DSCAML1: variants seen among roughly 807,000 people sequenced by gnomAD.
The protein encoded by DSCAML1 is cell adhesion molecule DSCAML1.
A neutral mutation model predicts 200.5 loss-of-function variants in DSCAML1; 38 were observed. The ratio of observed to expected loss-of-function variants is 0.19; its 90% CI spans 0.15 to 0.25. The LOEUF is 0.25. DSCAML1 is among the 10% of genes least tolerant of loss of function. The probability of loss-of-function intolerance (pLI) is 1.00; values close to 1 mark genes in which losing one functional copy is unlikely to be tolerated. For missense variants in DSCAML1, 2,223 were observed against 2,858.8 expected, an observed-to-expected ratio of 0.78 and a Z score of 5.07; for synonymous variants, 1,215 against 1,165.0, an observed-to-expected ratio of 1.04 and a Z score of -0.87.
intron 3 of DSCAML1, among the ~76,000 whole-genome samples, chr11:117,672,107 A>AAAAAG (rs1271037601): frequency 7.5e-6 from 1 of 133,788 alleles, no homozygotes; most frequent in Non-Finnish European, 1.7e-5. Context: ...GCTCAGAAAA[A>AAAAAG]AAAAAAAAAA....
intron 3 of DSCAML1, among the ~76,000 whole-genome samples, chr11:117,655,885 C>T (rs906794788): frequency 3.3e-5 from 5 of 152,138 alleles, no homozygotes; most frequent in Middle Eastern, 3.2e-3. Flanking sequence ...CAGAAAGCAC[C>T]GCTAGTGCTG....
chr11:117,436,986 G>T lies in DSCAML1; in HGVS notation c.4720+136C>A, dbSNP rs76003841. On this transcript the variant is annotated intron_variant, in intron 26 of 32. Coordinates refer to ENST00000651296, the MANE Select transcript of DSCAML1 (RefSeq NM_020693.4). ...CCCTTTGTCAGCCCCTTCACCTGCAGGCCAGCATTTCCCCCACCTGCATTC... is the reference window on the plus strand; with the variant it reads ...CCCTTTGTCAGCCCCTTCACCTGCATGCCAGCATTTCCCCCACCTGCATTC... 2,559 of 1,269,204 alleles carry T rather than the reference G, an allele frequency of 2.0e-3. 37 individuals are homozygous for T. In the African/African-American group the frequency reaches 0.033, roughly 16 times the overall value. The allele number at this position is 1,269,204 out of a possible 1,614,324, so 78.6% of individuals were successfully genotyped here. A position where few individuals can be genotyped will look rare whatever the true frequency, so the allele number is the denominator to read the frequency against.
chr11:117,650,667 CTGTG>C (rs66966642), intron 3 of DSCAML1, among the ~76,000 whole-genome samples: 1,537 of 143,504 alleles, frequency 0.011, 22 homozygotes, highest in African/African-American at 0.026. Context: ...GTGTGTCTAT[CTGTG>C]TGTGTGTGTG....
At position 117,672,102 on chromosome 11, in the gene DSCAML1, G is replaced by GAA. The variant is rs71037491; in HGVS notation, c.511+104687_511+104688dup. ...GGCGACAGAGCGAGACTCCAGCTCAGAAAAAAAAAAAAAAAAAAAAAGAAG... is the reference window on the plus strand; with the variant it reads ...GGCGACAGAGCGAGACTCCAGCTCAGAAAAAAAAAAAAAAAAAAAAAAAGAAG... On this transcript the variant is annotated intron_variant, in intron 3 of 32. Coordinates refer to ENST00000651296, the MANE Select transcript of DSCAML1 (RefSeq NM_020693.4). Among the ~76,000 whole-genome samples, 403 of 94,472 alleles carry GAA rather than the reference G, an allele frequency of 4.3e-3. 11 individuals are homozygous for GAA. Among genetic ancestry groups the GAA allele is most frequent in the African/African-American group, 0.017 (355 of 20,562 alleles). The allele number at this position is 94,472 out of a possible 152,430, so 62.0% of individuals were successfully genotyped here.
intron 3 of DSCAML1, among the ~76,000 whole-genome samples, chr11:117,652,673 C>T (rs751907530): frequency 2.2e-4 from 33 of 152,176 alleles, no homozygotes; most frequent in Non-Finnish European, 4.1e-4. Context: ...TGCCTGGGCC[C>T]CCGAAGCAAC....
chr11:117,722,216 G>T (rs1451881664), intron 3 of DSCAML1, among the ~76,000 whole-genome samples: 2 of 151,942 alleles, frequency 1.3e-5, no homozygotes, highest in African/African-American at 4.8e-5. Flanking sequence ...GAAGCCAGAA[G>T]GCTTATGTCC....
chr11:117,522,080 T>C (rs754110324), intron 5 of DSCAML1, among the ~76,000 whole-genome samples: 14 of 152,216 alleles, frequency 9.2e-5, no homozygotes, highest in Non-Finnish European at 1.8e-4. Flanking sequence ...ACCAAAGCCA[T>C]AGGTCTTTAG....
At chr11:117,720,164 C>T (rs2054018366) in intron 3 of DSCAML1, among the ~76,000 whole-genome samples, 2 of 152,044 alleles carry the variant, frequency 1.3e-5, no homozygotes, top group Admixed American at 6.6e-5. Context: ...CAGCCCAGCG[C>T]CCCCCGCCCG....
At chr11:117,459,019 G>C in intron 18 of DSCAML1, 110 bp from the exon 19 acceptor site, 1 of 1,403,014 alleles carries the variant, frequency 7.1e-7, no homozygotes, top group Non-Finnish European at 9.7e-7. Context: ...CTCAGCCCTC[G>C]ACTCCATGGT....
chr11:117,655,926 G>A (rs1452473779), intron 3 of DSCAML1, among the ~76,000 whole-genome samples: 2 of 152,196 alleles, frequency 1.3e-5, no homozygotes, highest in Admixed American at 1.3e-4. Context: ...AGGGACGAGG[G>A]GAGGTGAAGG....
intron 3 of DSCAML1, among the ~76,000 whole-genome samples, chr11:117,536,586 G>A (rs521609): frequency 0.25 from 38,349 of 152,104 alleles, 5,082 homozygotes; most frequent in South Asian, 0.43. Context: ...AGTGGTTAGG[G>A]GCTTGAGTCA....
At position 117,503,295 on chromosome 11, in the gene DSCAML1, T is replaced by C. The variant is rs1324979479; in HGVS notation, c.2359+550A>G. On this transcript the variant is annotated intron_variant, in intron 11 of 32. Transcript: ENST00000651296. This position sits in a 1 kb window ranked among gnomAD's most constrained non-coding sequence, Gnocchi z 5.2. ...CAGGACTCACAACAATTTTGTGAGA[T>C]CAGTGGGCTGGGAAGGGAACCCTCG... Among the ~76,000 whole-genome samples, 3 of 152,014 alleles carry C rather than the reference T, an allele frequency of 2.0e-5. No homozygotes were observed. Among genetic ancestry groups the C allele is most frequent in the Non-Finnish European group, 4.4e-5 (3 of 67,998 alleles).
At chr11:117,702,914 A>G (rs1478811393) in intron 3 of DSCAML1, among the ~76,000 whole-genome samples, 1 of 152,226 alleles carries the variant, frequency 6.6e-6, no homozygotes, top group Non-Finnish European at 1.5e-5. Flanking sequence ...GCTGAATCCT[A>G]TTGTAAAATA....
At chr11:117,755,879 C>G (rs1798945996) in intron 3 of DSCAML1, among the ~76,000 whole-genome samples, 1 of 152,126 alleles carries the variant, frequency 6.6e-6, no homozygotes. Flanking sequence ...AAGACTACAG[C>G]CACCGGCTCC....
At chr11:117,453,739 T>TTTC (rs1403007828) in intron 19 of DSCAML1, among the ~76,000 whole-genome samples, 2 of 141,758 alleles carry the variant, frequency 1.4e-5, no homozygotes, top group African/African-American at 5.7e-5. Context: ...TCTTTCTTTC[T>TTTC]TTCTTTCTTT....
At chr11:117,544,158 A>T (rs2050326888) in intron 3 of DSCAML1, among the ~76,000 whole-genome samples, 1 of 152,210 alleles carries the variant, frequency 6.6e-6, no homozygotes, top group African/African-American at 2.4e-5. Flanking sequence ...TCACAGCTCA[A>T]GTCTGTTTCC....
intron 3 of DSCAML1, among the ~76,000 whole-genome samples, chr11:117,595,994 C>G (rs2051356564): frequency 6.6e-6 from 1 of 152,172 alleles, no homozygotes; most frequent in African/African-American, 2.4e-5. Flanking sequence ...TCTCTATTGT[C>G]CATGATGAAT....
intron 3 of DSCAML1, among the ~76,000 whole-genome samples, chr11:117,607,084 G>A (rs747072501): frequency 9.9e-5 from 15 of 152,214 alleles, no homozygotes; most frequent in Non-Finnish European, 2.1e-4. Flanking sequence ...GGTCTCCTTC[G>A]TAAAGAGGCA....
intron 14 of DSCAML1, among the ~76,000 whole-genome samples, chr11:117,479,375 A>G (rs2048861511): frequency 6.6e-6 from 1 of 152,236 alleles, no homozygotes. Context: ...ATTTGTAATT[A>G]TTTTGAGGAG....
Sources: gnomAD v4.1 joint callset for allele counts (sites outside exome capture counted in the v4.1 genomes callset) on GRCh38, gnomAD v4.1.1 for gene constraint, Gnocchi (gnomAD v3.1) non-coding constraint, MANE v1.5 for transcripts, NCBI Gene and HGNC (gene_info 2026-07-23, HGNC 2026-07-21) for gene names.